ASAP3: variants seen among roughly 807,000 people sequenced by gnomAD.
ASAP3 encodes the protein ArfGAP with SH3 domain, ankyrin repeat and PH domain 3, also known as arf-GAP with SH3 domain, ANK repeat and PH domain-containing protein 3.
ASAP3 carries 85 observed loss-of-function variants against 118.2 expected under a neutral mutation model. The observed-to-expected ratio is 0.72, with a 90% CI of 0.60 to 0.86. ASAP3 has a LOEUF of 0.86. Among genes scored for constraint, ASAP3 ranks in the 40% least tolerant of loss-of-function variants. ASAP3 has a pLI of 0.00. For missense variants in ASAP3, 1,026 were observed against 1,175.0 expected, an observed-to-expected ratio of 0.87 and a Z score of 1.85; for synonymous variants, 432 against 477.4, an observed-to-expected ratio of 0.90 and a Z score of 1.24.
rs777516793 is a variant in ASAP3, at chr1:23,433,232, C to T, written c.2168G>A (p.Ser723Asn). 5 of 1,612,692 alleles carry T rather than the reference C, an allele frequency of 3.1e-6. No individual in the cohort carries two copies. The highest frequency in any genetic ancestry group is 4.2e-6 in the Non-Finnish European group (5 of 1,179,162). ...CTTGTTGCTGATGTCCAGCCTCCCA[C>T]TGGCCCAGTGAGCCTGGGCCGGGAG... is the stretch of plus-strand genomic sequence containing the variant. The part of the protein sequence containing the change: ...LKLPAQAHWA[S>N]GRLDISNKTY... Residue 723 changes from serine (S) to asparagine (N), a missense_variant, in exon 22 of 25, where the codon AGT becomes AAT. Physicochemically the swap from Ser to Asn is conservative, Grantham distance 46. Coordinates refer to ENST00000336689, the MANE Select transcript of ASAP3 (RefSeq NM_017707.4).
chr1:23,433,795 C>T (rs1640534875), intron 19 of ASAP3, 102 bp from the exon 20 acceptor site: 2 of 1,469,474 alleles, frequency 1.4e-6, no homozygotes, highest in Non-Finnish European at 1.9e-6. Context: ...GGTTTGAATC[C>T]TGGCTCTGCC....
chr1:23,455,724 A>G (rs1431463370), intron 3 of ASAP3, among the ~76,000 whole-genome samples, 157 bp downstream of exon 3: 2 of 152,170 alleles, frequency 1.3e-5, no homozygotes, highest in Non-Finnish European at 2.9e-5. Flanking sequence ...GATTATCCAA[A>G]AGAAGGGTCA....
chr1:23,445,197 G>T (rs1009148182), intron 5 of ASAP3, among the ~76,000 whole-genome samples: 2 of 152,090 alleles, frequency 1.3e-5, no homozygotes, highest in Non-Finnish European at 2.9e-5. Context: ...GCTTGCTATG[G>T]AATTAGGGAG....
chr1:23,464,505 A>C (rs1641699337), intron 1 of ASAP3, among the ~76,000 whole-genome samples: 1 of 151,424 alleles, frequency 6.6e-6, no homozygotes, highest in African/African-American at 2.4e-5. Flanking sequence ...AAATTTTTTA[A>C]AAAAGTTAGC....
At chr1:23,467,694 G>A (rs1430975629) in intron 1 of ASAP3, among the ~76,000 whole-genome samples, 1 of 152,036 alleles carries the variant, frequency 6.6e-6, no homozygotes, top group Non-Finnish European at 1.5e-5. Context: ...GCTCACGCCT[G>A]TAATCCCAGC....
chr1:23,434,510 C>T, intron 18 of ASAP3, 23 bp downstream of exon 18: 1 of 1,613,706 alleles, frequency 6.2e-7, no homozygotes, highest in South Asian at 1.1e-5. Flanking sequence ...AGGAGCCAGA[C>T]AGACAGGCAG....
Position 23,433,678 on chromosome 1 carries a change from T to A in ASAP3, c.1967A>T (p.Glu656Val). The A allele has an allele frequency of 6.2e-7, 1 of 1,614,212 alleles. No homozygotes were observed. Among genetic ancestry groups the A allele is most frequent in the Non-Finnish European group, 8.5e-7 (1 of 1,180,032 alleles). Residue 656 changes from glutamate to valine, a missense_variant, in exon 20 of 25, where the codon GAG becomes GTG. Physicochemically the swap from Glu to Val is moderately radical, Grantham distance 121 (BLOSUM62 -2). Transcript: ENST00000336689. The part of the protein sequence containing the change: ...ALVGTVNEAG[E>V]TALDIARKKH... ...CTTCCTGGCTATGTCCAGAGCTGTCTCGCCTGCTTCATTTACTGTGAGCGG... is the reference window on the plus strand; with the variant it reads ...CTTCCTGGCTATGTCCAGAGCTGTCACGCCTGCTTCATTTACTGTGAGCGG...
intron 1 of ASAP3, among the ~76,000 whole-genome samples, chr1:23,475,517 C>T (rs769344224): frequency 6.6e-6 from 1 of 152,150 alleles, no homozygotes; most frequent in Admixed American, 6.6e-5. Flanking sequence ...CTGGGAATGA[C>T]GCCAAGTGAT....
In ASAP3 at chr1:23,433,318, G is replaced by A. The variant is rs368802486; in HGVS notation, c.2128-46C>T. 26 of 1,608,452 alleles carry A rather than the reference G, an allele frequency of 1.6e-5. No individual in the cohort carries two copies. In the East Asian group the frequency reaches 4.0e-4, roughly 25 times the overall value. On this transcript the variant is annotated intron_variant, in intron 21 of 24. Transcript: ENST00000336689. ...GGATGAGGACAGCCTGGTTCCTCCG[G>A]TGTAGCCCTGTCCCCCCGCCTCACC...
At chr1:23,482,319 C>T (rs1232323042) in intron 1 of ASAP3, among the ~76,000 whole-genome samples, 1 of 152,204 alleles carries the variant, frequency 6.6e-6, no homozygotes, top group Non-Finnish European at 1.5e-5. Context: ...CTCAGGAGTT[C>T]AAGAACAGCC....
chr1:23,470,159 T>G (rs1038087618), intron 1 of ASAP3, among the ~76,000 whole-genome samples: 1 of 152,116 alleles, frequency 6.6e-6, no homozygotes, highest in Non-Finnish European at 1.5e-5. Flanking sequence ...ATGCCTCAGT[T>G]TCCTCATCTG....
intron 5 of ASAP3, among the ~76,000 whole-genome samples, chr1:23,445,303 A>G (rs1232724142): frequency 6.6e-6 from 1 of 152,216 alleles, no homozygotes; most frequent in East Asian, 1.9e-4. Flanking sequence ...CAGCTCGGGC[A>G]TCATGGTGAA....
At chr1:23,444,059 G>A (rs1374224832) in intron 5 of ASAP3, among the ~76,000 whole-genome samples, 1 of 152,098 alleles carries the variant, frequency 6.6e-6, no homozygotes, top group Admixed American at 6.6e-5. Context: ...AGTAGAGACG[G>A]AGTTTCACCA....
rs748500137 is a variant in ASAP3, at chr1:23,434,298, T to C, written c.1907A>G (p.Asp636Gly). Residue 636 changes from aspartate (D) to glycine (G), a missense_variant, in exon 19 of 25, where the codon GAC becomes GGC. Transcript: ENST00000336689. ...CCCCTTCAGCAGCAGCTTGAGGCAG[T>C]CGGGCTGGTTGTAGAGTGCTGCGTA... ...LHYAALYNQP[D>G]CLKLLLKGRA... 8 of 1,614,050 alleles carry C rather than the reference T, an allele frequency of 5.0e-6. No homozygotes were observed. Among genetic ancestry groups the C allele is most frequent in the Non-Finnish European group, 6.8e-6 (8 of 1,180,046 alleles).
chr1:23,456,852 C>T (rs1007137981), intron 1 of ASAP3, among the ~76,000 whole-genome samples: 2 of 151,966 alleles, frequency 1.3e-5, no homozygotes, highest in African/African-American at 2.4e-5. Flanking sequence ...CAGAGGGTGG[C>T]GGGAGCACAC....
intron 1 of ASAP3, among the ~76,000 whole-genome samples, chr1:23,463,852 C>G (rs1315912731): frequency 1.3e-5 from 2 of 152,088 alleles, no homozygotes; most frequent in African/African-American, 4.8e-5. Flanking sequence ...CCTGCCTCGG[C>G]CTCCCAAAGT....
At chr1:23,457,260 C>T (rs1289432504) in intron 1 of ASAP3, among the ~76,000 whole-genome samples, 1 of 152,148 alleles carries the variant, frequency 6.6e-6, no homozygotes, top group Non-Finnish European at 1.5e-5. Flanking sequence ...CCCAGCCCAG[C>T]TGTTCTTCCC....
chr1:23,457,824 ATTCT>A (rs1000364729), intron 1 of ASAP3, among the ~76,000 whole-genome samples: 7 of 152,174 alleles, frequency 4.6e-5, no homozygotes, highest in African/African-American at 1.7e-4. Flanking sequence ...CAAGTTGCCT[ATTCT>A]TTCTGAGCTT....
rs375792216 is a variant in ASAP3 at position 23,455,026 on chromosome 1, G to A, written c.348+855C>T. On this transcript the variant is annotated intron_variant, in intron 3 of 24. Coordinates refer to ENST00000336689, the MANE Select transcript of ASAP3 (RefSeq NM_017707.4). ...ATGCTGGGTAGGACTGGAGCCACAA[G>A]AGCTGGTCCAGTGCCATGGAGCCTG... is the stretch of plus-strand genomic sequence containing the variant. Among the ~76,000 whole-genome samples, 539 of 152,288 alleles carry A rather than the reference G, an allele frequency of 3.5e-3. 4 individuals are homozygous for A. Among genetic ancestry groups the A allele is most frequent in the African/African-American group, 0.012 (509 of 41,536 alleles).
Sources: gnomAD v4.1 joint callset for allele counts (sites outside exome capture counted in the v4.1 genomes callset) on GRCh38, gnomAD v4.1.1 for gene constraint, MANE v1.5 for transcripts, NCBI Gene and HGNC (gene_info 2026-07-23, HGNC 2026-07-21) for gene names.